The following PEX11G variants were observed in gnomAD, a reference collection of about 807,000 sequenced individuals.
The protein encoded by PEX11G is peroxisomal biogenesis factor 11 gamma, also known as peroxisomal membrane protein 11C.
PEX11G carries 20 observed loss-of-function variants against 22.5 expected under a neutral mutation model. The ratio of observed to expected loss-of-function variants is 0.89; its 90% CI spans 0.62 to 1.29. The LOEUF is 1.29. Among genes scored for constraint, PEX11G ranks in the 50% most tolerant of loss-of-function variants. The probability of loss-of-function intolerance (pLI) is 0.00; values close to 1 mark genes in which losing one functional copy is unlikely to be tolerated. For synonymous variants in PEX11G, 141 were observed against 154.5 expected (o/e 0.91, Z 0.65); for missense variants, 347 against 331.3 (o/e 1.05, Z -0.37).
chr19:7,483,032 G>A (rs1977571519), intron 2 of PEX11G, among the ~76,000 whole-genome samples: 1 of 152,146 alleles, frequency 6.6e-6, no homozygotes, highest in South Asian at 2.1e-4. Context: ...TGGTTTCTGG[G>A]ACTGGAGCCC....
intron 1 of PEX11G, 113 bp downstream of exon 1, chr19:7,488,838 G>A (rs1301474485): frequency 2.8e-6 from 3 of 1,079,666 alleles, no homozygotes; most frequent in Admixed American, 4.1e-5. Flanking sequence ...GCTCGGACGG[G>A]GCCTCTGCGA....
rs764104117 is a variant in PEX11G at position 7,477,353 on chromosome 19, A to G, written c.575T>C (p.Leu192Pro). ...ALSLLSNLAD[L>P]ANAVHWLPRG... ...GGGCAGCCAGTGCACGGCGTTGGCC[A>G]GGTCGGCCAGGTTGCTGAGAAGTGA... Residue 192 changes from leucine to proline, a missense_variant, in exon 5 of 5, where the codon CTG becomes CCG. Coordinates refer to ENST00000221480, the MANE Select transcript of PEX11G (RefSeq NM_080662.4). 3.2e-6 allele frequency: 5 copies of G among 1,555,274 alleles called. No individual in the cohort carries two copies. The highest frequency in any genetic ancestry group is 4.3e-6 in the Non-Finnish European group (5 of 1,152,452).
At chr19:7,481,920 G>A in intron 3 of PEX11G, 113 bp downstream of exon 3, 6 of 1,098,928 alleles carry the variant, frequency 5.5e-6, no homozygotes, top group Admixed American at 3.0e-5. Context: ...AACTCTAAGA[G>A]GCAAAGACCC....
At chr19:7,481,346 G>A (rs1977480662) in intron 3 of PEX11G, among the ~76,000 whole-genome samples, 1 of 152,052 alleles carries the variant, frequency 6.6e-6, no homozygotes, top group Non-Finnish European at 1.5e-5. Context: ...GATTACAAGT[G>A]TGCACCACCA....
intron 2 of PEX11G, among the ~76,000 whole-genome samples, chr19:7,484,981 C>T (rs113827328): frequency 1.4e-3 from 209 of 152,266 alleles, no homozygotes; most frequent in African/African-American, 4.7e-3. Context: ...AAACTACCCA[C>T]GCAGGGAGCA....
rs778322042 is a variant in PEX11G at position 7,482,053 on chromosome 19, A to G, written c.408T>C (p.Ser136=). 26 of 1,602,722 alleles carry G rather than the reference A, an allele frequency of 1.6e-5. No homozygotes were observed. The change falls in exon 3 of 5, where the codon TCT becomes TCC. Residue 136 remains serine (S), a synonymous_variant. Coordinates refer to ENST00000221480, the MANE Select transcript of PEX11G (RefSeq NM_080662.4). ...WTLSTTLWAL[S]LLLGVARSLW... Reference sequence around the variant, plus strand: ...CTTACCTGGCAACCCCCAGGAGCAGAGAGAGGGCCCACAGGGTTGTACTCA... The same window carrying G: ...CTTACCTGGCAACCCCCAGGAGCAGGGAGAGGGCCCACAGGGTTGTACTCA...
chr19:7,486,519 T>C (rs1183833523), intron 1 of PEX11G, among the ~76,000 whole-genome samples: 2 of 152,128 alleles, frequency 1.3e-5, no homozygotes, highest in Admixed American at 1.3e-4. Context: ...CCCAGCACTT[T>C]GAGAAACCGA....
In PEX11G at chr19:7,479,954, T is replaced by TA. The variant is rs1977410012; in HGVS notation, c.429-1579dup. 3.3e-5 allele frequency among the ~76,000 whole-genome samples: 5 copies of TA among 152,134 alleles called. No individual in the cohort carries two copies. In the South Asian group the frequency reaches 1.0e-3, roughly 32 times the overall value. ...GTTATGCTCAATTTTGCCATGAGCC[T>TA]AAAACTGCTCTAAAAAAATAAAGTC... On this transcript the variant is annotated intron_variant, in intron 3 of 4. Coordinates refer to ENST00000221480, the MANE Select transcript of PEX11G (RefSeq NM_080662.4).
chr19:7,492,379 C>T (rs1432345451), upstream of PEX11G, among the ~76,000 whole-genome samples: 1 of 152,124 alleles, frequency 6.6e-6, no homozygotes, highest in East Asian at 1.9e-4. Flanking sequence ...ACGTGCCACC[C>T]CATTGTGGTT....
At chr19:7,484,405 A>G (rs541496923) in intron 2 of PEX11G, among the ~76,000 whole-genome samples, 1 of 152,138 alleles carries the variant, frequency 6.6e-6, no homozygotes, top group South Asian at 2.1e-4. Flanking sequence ...CGTTAAGTGA[A>G]AAAAGCACTG....
upstream of PEX11G, among the ~76,000 whole-genome samples, chr19:7,493,914 T>TC (rs1223324370): frequency 6.6e-6 from 1 of 151,156 alleles, no homozygotes; most frequent in Non-Finnish European, 1.5e-5. Flanking sequence ...TCACTCTTTT[T>TC]TTTTTTTTTT....
At chr19:7,477,714 C>T (rs1001112061) in intron 4 of PEX11G, among the ~76,000 whole-genome samples, 4 of 152,208 alleles carry the variant, frequency 2.6e-5, no homozygotes, top group African/African-American at 9.7e-5. Context: ...TTGTGAAAAA[C>T]AGAAAGCACA....
At chr19:7,491,477 C>G (rs2145985714), upstream of PEX11G, among the ~76,000 whole-genome samples, 1 of 152,038 alleles carries the variant, frequency 6.6e-6, no homozygotes, top group Non-Finnish European at 1.5e-5. Context: ...CCATGTTGGC[C>G]AGGCTGGTCT....
At chr19:7,485,678 C>T (rs1038264789) in intron 2 of PEX11G, among the ~76,000 whole-genome samples, 160 bp downstream of exon 2, 1 of 152,076 alleles carries the variant, frequency 6.6e-6, no homozygotes, top group Non-Finnish European at 1.5e-5. Context: ...ACCATGTTGG[C>T]CTGGCTGGTC....
upstream of PEX11G, chr19:7,489,098 C>T: frequency 7.4e-7 from 1 of 1,354,700 alleles, no homozygotes; most frequent in Non-Finnish European, 9.5e-7. Flanking sequence ...CAAAGGCTTG[C>T]GCGCAGGCGC....
rs374809961 is a variant in PEX11G, at chr19:7,485,851, C to T, written c.236G>A (p.Gly79Asp). ...LAMFVYTKQY[G>D]LGAQEEDAFV... is the part of the protein sequence containing the mutation. ...AAACCCTGTTACCTGTGCCCCCAGG[C>T]CATATTGCTTAGTGTAGACAAACAT... The change falls in exon 2 of 5, where the codon GGC (glycine) becomes GAC (aspartate). Residue 79 changes from glycine (G) to aspartate (D), a missense_variant. By Grantham distance (94) the Gly-to-Asp change is moderately conservative. Coordinates refer to ENST00000221480, the MANE Select transcript of PEX11G (RefSeq NM_080662.4). The T allele has an allele frequency of 7.5e-6, 12 of 1,602,656 alleles. No individual in the cohort carries two copies. The highest frequency in any genetic ancestry group is 1.0e-5 in the Non-Finnish European group (12 of 1,170,792).
chr19:7,486,693 G>A (rs927481223), intron 1 of PEX11G, among the ~76,000 whole-genome samples: 11 of 151,598 alleles, frequency 7.3e-5, no homozygotes, highest in Non-Finnish European at 1.3e-4. Flanking sequence ...TCCACCTCCC[G>A]GGTTCATGCG....
At chr19:7,489,991 G>A (rs549232369), upstream of PEX11G, among the ~76,000 whole-genome samples, 8 of 152,140 alleles carry the variant, frequency 5.3e-5, no homozygotes, top group African/African-American at 1.4e-4. Flanking sequence ...CCAAGTAGCT[G>A]GGATCACAGC....
At chr19:7,489,445 T>C, upstream of PEX11G, 1 of 997,366 alleles carries the variant, frequency 1.0e-6, no homozygotes, top group Middle Eastern at 5.1e-4. Context: ...GAATGACTGC[T>C]GTAATATCAC....
Sources: allele counts gnomAD v4.1 joint callset (sites outside exome capture counted in the v4.1 genomes callset), GRCh38; gene constraint gnomAD v4.1.1; transcripts MANE v1.5; gene names NCBI Gene and HGNC (gene_info 2026-07-23, HGNC 2026-07-21).